The following FSTL5 variants were observed in gnomAD, a reference collection of about 807,000 sequenced individuals.
FSTL5 encodes follistatin like 5, also known as follistatin-related protein 5.
In FSTL5, 62 loss-of-function variants were observed where a neutral mutation model predicts 89.1. The ratio of observed to expected loss-of-function variants is 0.70; its 90% CI spans 0.57 to 0.86. FSTL5 has a LOEUF of 0.86. Among genes scored for constraint, FSTL5 ranks in the 40% least tolerant of loss-of-function variants. FSTL5 has a pLI of 0.00. For synonymous variants in FSTL5, 383 were observed against 346.2 expected, an observed-to-expected ratio of 1.11 and a Z score of -1.18; for missense variants, 1,057 against 1,001.6, an observed-to-expected ratio of 1.06 and a Z score of -0.75.
At chr4:161,602,095 G>A (rs1193883499) in intron 7 of FSTL5, among the ~76,000 whole-genome samples, 4 of 151,882 alleles carry the variant, frequency 2.6e-5, no homozygotes, top group African/African-American at 7.3e-5. Flanking sequence ...TCCATGAATG[G>A]TTGGGTAATG....
At chr4:161,933,600 C>G (rs1031188520) in intron 3 of FSTL5, among the ~76,000 whole-genome samples, 3 of 149,014 alleles carry the variant, frequency 2.0e-5, no homozygotes, top group Admixed American at 6.7e-5. Flanking sequence ...CAGATTTGAT[C>G]ATGGATTTTT....
At chr4:161,604,650 G>A (rs1027589504) in intron 7 of FSTL5, among the ~76,000 whole-genome samples, 1 of 152,124 alleles carries the variant, frequency 6.6e-6, no homozygotes, top group East Asian at 1.9e-4. Flanking sequence ...CACCCAAAGT[G>A]GTACAGGAGG....
chr4:161,732,078 C>G (rs972057925), intron 6 of FSTL5, among the ~76,000 whole-genome samples: 2 of 91,720 alleles, frequency 2.2e-5, no homozygotes, highest in East Asian at 7.3e-4. Flanking sequence ...AGTTCTATAC[C>G]GAACTTTGAG....
rs190272671 is a variant in FSTL5, at chr4:161,476,265, G to A, written c.1608+4755C>T. Among the ~76,000 whole-genome samples the A allele has an allele frequency of 1.3e-3, 171 of 133,260 alleles. 1 individual carries two copies. Among genetic ancestry groups the A allele is most frequent in the Non-Finnish European group, 1.7e-3 (112 of 64,860 alleles). The allele number at this position is 133,260 out of a possible 152,430, so 87.4% of individuals were successfully genotyped here. ...TGCAATGGTGCAATATCAGCTCACC[G>A]CAGGCTCTGCCTCCCGAGTTCAAGC... is the stretch of plus-strand genomic sequence containing the variant. On this transcript the variant is annotated intron_variant, in intron 13 of 15. Transcript: ENST00000306100.
chr4:161,527,499 C>A (rs909849234), intron 10 of FSTL5, among the ~76,000 whole-genome samples: 4 of 152,106 alleles, frequency 2.6e-5, no homozygotes, highest in Admixed American at 6.5e-5. Flanking sequence ...TGAACAGACA[C>A]TTCTCAAAAG....
intron 6 of FSTL5, among the ~76,000 whole-genome samples, chr4:161,737,052 T>G (rs937254929): frequency 2.0e-4 from 30 of 152,116 alleles, no homozygotes; most frequent in African/African-American, 6.3e-4. Flanking sequence ...GAGACATCAG[T>G]TAGAAAACAG....
intron 3 of FSTL5, among the ~76,000 whole-genome samples, chr4:161,957,438 C>T (rs1382467219): frequency 6.6e-6 from 1 of 151,908 alleles, no homozygotes; most frequent in East Asian, 1.9e-4. Flanking sequence ...TGCTTCTCTC[C>T]TGGGAAGTGG....
intron 6 of FSTL5, among the ~76,000 whole-genome samples, chr4:161,729,771 A>G (rs955932560): frequency 4.6e-5 from 7 of 152,196 alleles, no homozygotes; most frequent in African/African-American, 1.7e-4. Context: ...GTGGGCAATA[A>G]CACTCGTTTA....
At chr4:161,590,085 T>C (rs1034983163) in intron 7 of FSTL5, among the ~76,000 whole-genome samples, 9 of 151,956 alleles carry the variant, frequency 5.9e-5, no homozygotes, top group Non-Finnish European at 1.0e-4. Context: ...CAAAGAAAAA[T>C]AGGTAAATTC....
chr4:162,038,605 A>C (rs1344394400), intron 2 of FSTL5, among the ~76,000 whole-genome samples: 2 of 151,818 alleles, frequency 1.3e-5, no homozygotes, highest in African/African-American at 4.8e-5. Flanking sequence ...CTAGTCTTTT[A>C]ACTGGGCTGA....
rs62325026 is a variant in FSTL5, at chr4:161,412,976, C to A, written c.1842-26527G>T. Reference sequence around the variant, plus strand: ...AAATTATTAAAATCCTGGACAACAACCTAACTCTTCTCAACATTGGCCTTG... The same window carrying A: ...AAATTATTAAAATCCTGGACAACAAACTAACTCTTCTCAACATTGGCCTTG... On this transcript the variant is annotated intron_variant, in intron 15 of 15. Coordinates refer to ENST00000306100, the MANE Select transcript of FSTL5 (RefSeq NM_020116.5). 2.0e-5 allele frequency among the ~76,000 whole-genome samples: 3 copies of A among 152,044 alleles called. No individual in the cohort carries two copies. In the South Asian group the frequency reaches 6.2e-4, roughly 32 times the overall value.
chr4:161,726,826 G>A (rs1193773886), intron 6 of FSTL5, among the ~76,000 whole-genome samples: 1 of 150,872 alleles, frequency 6.6e-6, no homozygotes, highest in East Asian at 1.9e-4. Flanking sequence ...TTCAGATTAA[G>A]GTAGAGTAAT....
intron 4 of FSTL5, among the ~76,000 whole-genome samples, chr4:161,898,652 C>T (rs1290936104): frequency 6.5e-5 from 8 of 123,732 alleles, no homozygotes; most frequent in African/African-American, 9.3e-5. Context: ...TTTTTTGAGA[C>T]GGAGTCTCAC....
intron 4 of FSTL5, among the ~76,000 whole-genome samples, chr4:161,856,093 A>C (rs9884637): frequency 0.75 from 114,215 of 151,828 alleles, 43,176 homozygotes; most frequent in East Asian, 0.82. Context: ...ATCAATAATA[A>C]CAAGTACTAA....
At chr4:161,450,741 A>ATTTTTTTTTTTT (rs70937651) in intron 15 of FSTL5, among the ~76,000 whole-genome samples, 1 of 131,586 alleles carries the variant, frequency 7.6e-6, no homozygotes, top group African/African-American at 2.9e-5. Flanking sequence ...ATTCATCTTC[A>ATTTTTTTTTTTT]TTTTTTTTTT....
intron 4 of FSTL5, among the ~76,000 whole-genome samples, chr4:161,779,819 A>ATG (rs1437568822): frequency 1.6e-4 from 13 of 79,904 alleles, no homozygotes; most frequent in Admixed American, 9.3e-4. Flanking sequence ...ATGTATATAT[A>ATG]TATATATATA....
chr4:161,916,847 A>C (rs1432290365), intron 4 of FSTL5, among the ~76,000 whole-genome samples: 1 of 152,210 alleles, frequency 6.6e-6, no homozygotes, highest in Non-Finnish European at 1.5e-5. Flanking sequence ...AGGTATATAA[A>C]AAATATTTTA....
chr4:161,923,027 T>A (rs72691296), intron 3 of FSTL5, among the ~76,000 whole-genome samples: 13,833 of 151,986 alleles, frequency 0.091, 740 homozygotes, highest in East Asian at 0.16. Flanking sequence ...AAGAATATAT[T>A]GTTATAACAA....
chr4:161,919,037 A>T (rs1316702577), intron 4 of FSTL5, among the ~76,000 whole-genome samples: 2 of 152,158 alleles, frequency 1.3e-5, no homozygotes, highest in African/African-American at 4.8e-5. Context: ...ATATTTTGAT[A>T]GTTACATATT....
Sources: gnomAD v4.1 joint callset for allele counts (sites outside exome capture counted in the v4.1 genomes callset) on GRCh38, gnomAD v4.1.1 for gene constraint, MANE v1.5 for transcripts, NCBI Gene and HGNC (gene_info 2026-07-23, HGNC 2026-07-21) for gene names.